The following GPR139 variants were observed in gnomAD, a reference collection of about 807,000 sequenced individuals.
GPR139 encodes G protein-coupled receptor 139.
A neutral mutation model predicts 25.8 loss-of-function variants in GPR139; 12 were observed. The ratio of observed to expected loss-of-function variants is 0.47; its 90% CI spans 0.30 to 0.75. The LOEUF is 0.75. Ranked by LOEUF, GPR139 falls within the 30% of genes least tolerant of loss-of-function variation. The probability of loss-of-function intolerance (pLI) is 0.07; values close to 1 mark genes in which losing one functional copy is unlikely to be tolerated. For synonymous variants in GPR139, 184 were observed against 179.9 expected (o/e 1.02, Z -0.18); for missense variants, 380 against 450.2 (o/e 0.84, Z 1.41).
At chr16:20,051,018 G>A (rs557774766) in intron 1 of GPR139, among the ~76,000 whole-genome samples, 5 of 140,616 alleles carry the variant, frequency 3.6e-5, no homozygotes, top group Non-Finnish European at 4.5e-5. Context: ...AGTGGAGATC[G>A]TGCCACTGCT....
At position 20,030,240 on chromosome 16, in the gene GPR139, C is replaced by T. The variant is rs981427874; in HGVS notation, c.*1495G>A. On this transcript the variant is annotated 3_prime_UTR_variant, in exon 2 of 2. Transcript: ENST00000570682. Reference sequence around the variant, plus strand: ...TTAGGGACAAAATGCAGTAAAAATCCAGCCTGAGGAACTAAATATTCCAGG... The same window carrying T: ...TTAGGGACAAAATGCAGTAAAAATCTAGCCTGAGGAACTAAATATTCCAGG... 6.6e-6 allele frequency among the ~76,000 whole-genome samples: 1 copy of T among 152,096 alleles called. No individual in the cohort carries two copies. Among genetic ancestry groups the T allele is most frequent in the Non-Finnish European group, 1.5e-5 (1 of 68,010 alleles).
At chr16:20,033,042 C>T (rs1452045864) in intron 1 of GPR139, among the ~76,000 whole-genome samples, 1 of 151,834 alleles carries the variant, frequency 6.6e-6, no homozygotes, top group Non-Finnish European at 1.5e-5. Flanking sequence ...CCACCATTCT[C>T]CTCACACAAC....
In GPR139 at chr16:20,031,867, A is replaced by C; in HGVS notation, c.930T>G (p.Pro310=). 6.2e-7 allele frequency: 1 copy of C among 1,614,150 alleles called. No homozygotes were observed. The change falls in exon 2 of 2, where the codon CCT becomes CCG. Residue 310 remains proline, a synonymous_variant. Coordinates refer to ENST00000570682, the MANE Select transcript of GPR139 (RefSeq NM_001002911.4). ...AGTTATGATTGGTGTAGAACTGTAC[A>C]GGTTGCTTCTGGCACTTGAAGAAAG... ...LKAFFKCQKQ[P]VQFYTNHNFS...
intron 1 of GPR139, among the ~76,000 whole-genome samples, chr16:20,037,137 T>C (rs573445044): frequency 1.8e-4 from 27 of 152,184 alleles, no homozygotes; most frequent in African/African-American, 6.3e-4. Flanking sequence ...TTAAAAGCGA[T>C]ATTTCGGTCC....
At chr16:20,032,736 C>CAA in intron 1 of GPR139, 67 bp from the exon 2 acceptor site, 29 of 1,188,096 alleles carry the variant, frequency 2.4e-5, no homozygotes, top group Non-Finnish European at 3.2e-5. Context: ...CTATGGGGGC[C>CAA]CTAGGCATAT....
chr16:20,050,130 G>A (rs1056222764), intron 1 of GPR139, among the ~76,000 whole-genome samples: 1 of 152,216 alleles, frequency 6.6e-6, no homozygotes, highest in East Asian at 1.9e-4. Flanking sequence ...GAAGGAATAA[G>A]ACAGTAAGCT....
At chr16:20,071,660 G>A (rs2141217521) in intron 1 of GPR139, among the ~76,000 whole-genome samples, 1 of 152,294 alleles carries the variant, frequency 6.6e-6, no homozygotes, top group East Asian at 1.9e-4. Flanking sequence ...AGATGTCAAT[G>A]CTGTGTGTCA....
At chr16:20,067,603 G>C (rs992130466) in intron 1 of GPR139, among the ~76,000 whole-genome samples, 1 of 152,104 alleles carries the variant, frequency 6.6e-6, no homozygotes, top group African/African-American at 2.4e-5. Flanking sequence ...TCGGGAGTTT[G>C]AGACCAGCCT....
chr16:20,061,012 A>G (rs1411583708), intron 1 of GPR139, among the ~76,000 whole-genome samples: 1 of 151,796 alleles, frequency 6.6e-6, no homozygotes, highest in Non-Finnish European at 1.5e-5. Flanking sequence ...ACTTTTTCTC[A>G]GTTGAACTTT....
chr16:20,059,364 G>T (rs1048611615), intron 1 of GPR139, among the ~76,000 whole-genome samples: 16 of 152,012 alleles, frequency 1.1e-4, no homozygotes, highest in Non-Finnish European at 1.6e-4. Context: ...ATCATCTCCT[G>T]CCCCTTCTCC....
At position 20,064,034 on chromosome 16, in the gene GPR139, C is replaced by G. The variant is rs151227461; in HGVS notation, c.127+9456G>C. Among the ~76,000 whole-genome samples the G allele has an allele frequency of 1.7e-3, 252 of 152,304 alleles. 1 individual carries two copies. Among genetic ancestry groups the G allele is most frequent in the Non-Finnish European group, 2.8e-3 (193 of 68,030 alleles). ...AGAGAGCTAGCAAAAGCAGGGAAAACTGCCTTATAAAATCATTGGATCTCA... is the reference window on the plus strand; with the variant it reads ...AGAGAGCTAGCAAAAGCAGGGAAAAGTGCCTTATAAAATCATTGGATCTCA... On this transcript the variant is annotated intron_variant, in intron 1 of 1. Transcript: ENST00000570682.
At chr16:20,053,234 C>A (rs1385294417) in intron 1 of GPR139, among the ~76,000 whole-genome samples, 1 of 152,174 alleles carries the variant, frequency 6.6e-6, no homozygotes, top group African/African-American at 2.4e-5. Context: ...ACATTGTTTT[C>A]ACTGACACCC....
At chr16:20,068,812 T>TA (rs1381950145) in intron 1 of GPR139, among the ~76,000 whole-genome samples, 10 of 152,200 alleles carry the variant, frequency 6.6e-5, no homozygotes, top group Non-Finnish European at 1.5e-4. Context: ...GATGAGTTTT[T>TA]ATCACAAATC....
intron 1 of GPR139, among the ~76,000 whole-genome samples, chr16:20,053,234 C>T (rs1385294417): frequency 6.6e-6 from 1 of 152,174 alleles, no homozygotes; most frequent in Non-Finnish European, 1.5e-5. Flanking sequence ...ACATTGTTTT[C>T]ACTGACACCC....
At chr16:20,056,258 G>T (rs1261601530) in intron 1 of GPR139, among the ~76,000 whole-genome samples, 1 of 152,148 alleles carries the variant, frequency 6.6e-6, no homozygotes, top group African/African-American at 2.4e-5. Flanking sequence ...CTTTCTTTTT[G>T]CACGTCATAC....
chr16:20,029,488 T>A lies in GPR139; in HGVS notation c.*2247A>T, dbSNP rs10691214. 0.036 allele frequency among the ~76,000 whole-genome samples: 2,535 copies of A among 70,894 alleles called. 81 individuals are homozygous for A. Among genetic ancestry groups the A allele is most frequent in the African/African-American group, 0.097 (2,422 of 24,982 alleles). 46.5% of individuals were successfully genotyped at this position (70,894 alleles called of 152,430 possible). A position where few individuals can be genotyped will look rare whatever the true frequency, so the allele number is the denominator to read the frequency against. ...TGTTTAAAAAATAAATAAATAAATA[T>A]ATATATATATATATATTCAGTATAG... On this transcript the variant is annotated 3_prime_UTR_variant, in exon 2 of 2. Coordinates refer to ENST00000570682, the MANE Select transcript of GPR139 (RefSeq NM_001002911.4).
intron 1 of GPR139, among the ~76,000 whole-genome samples, chr16:20,044,767 A>G (rs2057348138): frequency 6.6e-6 from 1 of 152,164 alleles, no homozygotes; most frequent in South Asian, 2.1e-4. Flanking sequence ...TTAGTACTTA[A>G]TCCTTACTAG....
chr16:20,042,039 G>A lies in GPR139; in HGVS notation c.128-9370C>T, dbSNP rs186321608. ...CATAGTGGCTAAGAGTACGCTGTCT[G>A]GAGGCAGCCAGTCCAGGTTCAAATC... On this transcript the variant is annotated intron_variant, in intron 1 of 1. Coordinates refer to ENST00000570682, the MANE Select transcript of GPR139 (RefSeq NM_001002911.4). Among the ~76,000 whole-genome samples, 610 of 152,250 alleles carry A rather than the reference G, an allele frequency of 4.0e-3. 2 individuals carry two copies. The highest frequency in any genetic ancestry group is 0.013 in the South Asian group (64 of 4,806).
At chr16:20,041,728 A>G (rs1286916166) in intron 1 of GPR139, among the ~76,000 whole-genome samples, 1 of 152,188 alleles carries the variant, frequency 6.6e-6, no homozygotes, top group Non-Finnish European at 1.5e-5. Flanking sequence ...TTCCAGTATC[A>G]GGCACTGACA....
Sources: allele counts gnomAD v4.1 joint callset (sites outside exome capture counted in the v4.1 genomes callset), GRCh38; gene constraint gnomAD v4.1.1; transcripts MANE v1.5; gene names NCBI Gene and HGNC (gene_info 2026-07-23, HGNC 2026-07-21).